The following DGKB variants were observed in gnomAD, a reference collection of about 807,000 sequenced individuals.
DGKB encodes diacylglycerol kinase beta, also known as 90 kDa diacylglycerol kinase.
In DGKB, 67 loss-of-function variants were observed where a neutral mutation model predicts 114.3. The ratio of observed to expected loss-of-function variants is 0.59; its 90% CI spans 0.48 to 0.72. The LOEUF (loss-of-function observed/expected upper bound fraction) is 0.72, where lower values mean the gene tolerates loss of function less well. DGKB is among the 30% of genes least tolerant of loss of function. The probability of loss-of-function intolerance (pLI) is 0.00; values close to 1 mark genes in which losing one functional copy is unlikely to be tolerated. For synonymous variants in DGKB, 398 were observed against 323.1 expected (o/e 1.23, Z -2.49); for missense variants, 907 against 975.2 (o/e 0.93, Z 0.93).
intron 21 of DGKB, among the ~76,000 whole-genome samples, chr7:14,385,998 G>T (rs564285754): frequency 5.3e-5 from 8 of 152,164 alleles, no homozygotes; most frequent in Non-Finnish European, 1.2e-4. Context: ...GAAAACTAAG[G>T]TTTAAACCAT....
intron 13 of DGKB, among the ~76,000 whole-genome samples, chr7:14,654,410 A>G (rs1815337123): frequency 6.6e-6 from 1 of 152,070 alleles, no homozygotes; most frequent in African/African-American, 2.4e-5. Flanking sequence ...ATCAAAAGAC[A>G]TGCCATGCTC....
intron 2 of DGKB, among the ~76,000 whole-genome samples, chr7:14,807,350 TAAATA>T (rs1269452982): frequency 7.5e-6 from 1 of 133,872 alleles, no homozygotes; most frequent in Non-Finnish European, 1.8e-5. Context: ...AAATTTTTAA[TAAATA>T]AAGAATGAAT....
At chr7:14,370,208 T>G (rs1208478377) in intron 21 of DGKB, among the ~76,000 whole-genome samples, 1 of 152,218 alleles carries the variant, frequency 6.6e-6, no homozygotes, top group Non-Finnish European at 1.5e-5. Context: ...TAGGGAATCC[T>G]TTCCCCATTC....
At chr7:14,547,930 T>C (rs1304274769) in intron 20 of DGKB, among the ~76,000 whole-genome samples, 1 of 152,184 alleles carries the variant, frequency 6.6e-6, no homozygotes, top group African/African-American at 2.4e-5. Flanking sequence ...ATGAAAAATG[T>C]TTGCCACATT....
chr7:14,168,314 G>A (rs1784899738), intron 25 of DGKB, among the ~76,000 whole-genome samples: 1 of 152,214 alleles, frequency 6.6e-6, no homozygotes, highest in African/African-American at 2.4e-5. Context: ...AAAGATCTAT[G>A]AGACAATACA....
intron 1 of DGKB, among the ~76,000 whole-genome samples, chr7:14,909,116 C>T (rs1228590005): frequency 6.6e-6 from 1 of 152,122 alleles, no homozygotes; most frequent in East Asian, 1.9e-4. Context: ...AACTCTTATG[C>T]TTTTAGCGAT....
At chr7:14,204,543 G>T (rs1786442092) in intron 23 of DGKB, among the ~76,000 whole-genome samples, 1 of 152,078 alleles carries the variant, frequency 6.6e-6, no homozygotes, top group African/African-American at 2.4e-5. Context: ...ACATACAACG[G>T]CTGAGAAAAC....
chr7:14,911,368 A>T (rs1390323739), intron 1 of DGKB, among the ~76,000 whole-genome samples: 1 of 151,842 alleles, frequency 6.6e-6, no homozygotes, highest in Non-Finnish European at 1.5e-5. Flanking sequence ...AAGTGTTTCT[A>T]TTTTCATTTT....
chr7:14,719,791 G>C (rs1363129088), intron 5 of DGKB, among the ~76,000 whole-genome samples: 1 of 152,136 alleles, frequency 6.6e-6, no homozygotes, highest in Non-Finnish European at 1.5e-5. Context: ...TTTATCATTG[G>C]TGATGTTGTC....
At chr7:14,447,485 C>G (rs75370810) in intron 21 of DGKB, among the ~76,000 whole-genome samples, 2,988 of 152,112 alleles carry the variant, frequency 0.02, 75 homozygotes, top group African/African-American at 0.065. Flanking sequence ...TGCAGAGTTA[C>G]TTATGTATAG....
intron 1 of DGKB, among the ~76,000 whole-genome samples, chr7:14,889,391 G>A (rs1780821619): frequency 6.6e-6 from 1 of 151,592 alleles, no homozygotes; most frequent in African/African-American, 2.4e-5. Context: ...GCCCCTTTAG[G>A]GGAGCTTCTT....
chr7:14,323,435 C>T (rs1470686207), intron 23 of DGKB, among the ~76,000 whole-genome samples: 1 of 152,088 alleles, frequency 6.6e-6, no homozygotes, highest in Non-Finnish European at 1.5e-5. Flanking sequence ...TGACAGCGTT[C>T]AGTTTCATTA....
At chr7:14,811,425 T>C (rs1199531445) in intron 2 of DGKB, among the ~76,000 whole-genome samples, 1 of 152,194 alleles carries the variant, frequency 6.6e-6, no homozygotes, top group Non-Finnish European at 1.5e-5. Context: ...TTAAATTATT[T>C]ACTCAGAATT....
chr7:14,353,261 T>TA (rs1813813301), intron 21 of DGKB, among the ~76,000 whole-genome samples: 2 of 152,328 alleles, frequency 1.3e-5, no homozygotes, highest in South Asian at 4.1e-4. Flanking sequence ...CCTTTGTTCA[T>TA]ATTTCTGTTT....
intron 21 of DGKB, among the ~76,000 whole-genome samples, chr7:14,386,650 G>C (rs1820390012): frequency 6.6e-6 from 1 of 152,144 alleles, no homozygotes; most frequent in Non-Finnish European, 1.5e-5. Flanking sequence ...GCTGCCCTCA[G>C]TCTACAGTAA....
At chr7:14,761,113 T>C (rs573759053) in intron 2 of DGKB, among the ~76,000 whole-genome samples, 1 of 152,278 alleles carries the variant, frequency 6.6e-6, no homozygotes, top group South Asian at 2.1e-4. Flanking sequence ...ATATTTGAAG[T>C]TTAACTATGA....
At chr7:14,353,737 A>T (rs1334074457) in intron 21 of DGKB, among the ~76,000 whole-genome samples, 1 of 152,232 alleles carries the variant, frequency 6.6e-6, no homozygotes, top group African/African-American at 2.4e-5. Context: ...AATATTTTTC[A>T]TACAATACTA....
chr7:14,274,963 GTGTGTGTGTGTT>G (rs1051433904), intron 23 of DGKB, among the ~76,000 whole-genome samples: 2 of 147,516 alleles, frequency 1.4e-5, no homozygotes, highest in Admixed American at 6.7e-5. Flanking sequence ...GTGTGTGTGT[GTGTGTGTGTGTT>G]TGTGTGTGCG....
At chr7:14,423,483 T>C (rs1827037312) in intron 21 of DGKB, among the ~76,000 whole-genome samples, 2 of 152,110 alleles carry the variant, frequency 1.3e-5, no homozygotes, top group Non-Finnish European at 1.5e-5. Context: ...AAATATCATC[T>C]GGTTTATAAT....
Sources: gnomAD v4.1 joint callset for allele counts (sites outside exome capture counted in the v4.1 genomes callset) on GRCh38, gnomAD v4.1.1 for gene constraint, MANE v1.5 for transcripts, NCBI Gene and HGNC (gene_info 2026-07-23, HGNC 2026-07-21) for gene names.